RANBP2: variants seen among roughly 807,000 people sequenced by gnomAD.
RANBP2 encodes the protein E3 SUMO-protein ligase RanBP2.
Under a neutral mutation model 303.6 loss-of-function variants are expected in RANBP2, and 57 were observed. The ratio of observed to expected loss-of-function variants is 0.19; its 90% CI spans 0.15 to 0.23. The LOEUF is 0.23. Among genes scored for constraint, RANBP2 ranks in the 10% least tolerant of loss-of-function variants. The pLI is 1.00. For missense variants in RANBP2, 3,138 were observed against 3,780.8 expected, an observed-to-expected ratio of 0.83 and a Z score of 4.46; for synonymous variants, 1,167 against 1,301.5, an observed-to-expected ratio of 0.90 and a Z score of 2.23.
chr2:108,720,710 A>G (rs1050078882), intron 1 of RANBP2, among the ~76,000 whole-genome samples: 1 of 152,246 alleles, frequency 6.6e-6, no homozygotes, highest in Non-Finnish European at 1.5e-5. Context: ...CTTGACACAT[A>G]GCACTAAATG....
At chr2:108,835,052 G>C in the RANBP2 span, among the ~76,000 whole-genome samples, 2 of 152,226 alleles carry the variant, frequency 1.3e-5, no homozygotes, top group Non-Finnish European at 2.9e-5. Context: ...AATGCTGCTA[G>C]AACTGTAGTT....
chr2:108,786,702 C>A, downstream of RANBP2: 1 of 952,070 alleles, frequency 1.1e-6, no homozygotes, highest in Non-Finnish European at 1.6e-6. Context: ...CCGCCCTTTC[C>A]CTGCCGCCGT....
chr2:109,641,943 T>C, the RANBP2 span, among the ~76,000 whole-genome samples: 1 of 152,158 alleles, frequency 6.6e-6, no homozygotes, highest in Admixed American at 6.6e-5. Flanking sequence ...GTAGCTGGGA[T>C]TACAGGCGCC....
chr2:108,851,204 G>C, the RANBP2 span, among the ~76,000 whole-genome samples: 1 of 152,178 alleles, frequency 6.6e-6, no homozygotes, highest in African/African-American at 2.4e-5. Context: ...TGGAACTTCT[G>C]TCCCCTCCCT....
the RANBP2 span, among the ~76,000 whole-genome samples, chr2:109,380,720 C>T: frequency 1.3e-5 from 2 of 152,206 alleles, no homozygotes; most frequent in Admixed American, 6.5e-5. Context: ...GAGCCTTGTG[C>T]CATAGTTCCT....
chr2:108,750,657 G>C (rs1465651259), intron 9 of RANBP2, among the ~76,000 whole-genome samples: 3 of 151,290 alleles, frequency 2.0e-5, no homozygotes, highest in Admixed American at 2.0e-4. Flanking sequence ...GCGCAATCTC[G>C]GCTCACTGCA....
the RANBP2 span, among the ~76,000 whole-genome samples, chr2:108,899,705 G>C: frequency 9.7e-4 from 147 of 152,302 alleles, no homozygotes; most frequent in African/African-American, 3.3e-3. Flanking sequence ...CACCAGTAAG[G>C]CTGGGCACGG....
the RANBP2 span, among the ~76,000 whole-genome samples, chr2:109,009,975 C>A: frequency 3.3e-5 from 5 of 152,038 alleles, no homozygotes; most frequent in Non-Finnish European, 7.3e-5. Flanking sequence ...CCATGATAGT[C>A]CTTGGAAACA....
At chr2:109,539,101 C>T in the RANBP2 span, among the ~76,000 whole-genome samples, 1 of 151,984 alleles carries the variant, frequency 6.6e-6, no homozygotes, top group Admixed American at 6.6e-5. Context: ...AGTTCAAGAC[C>T]AGCCTGACCA....
the RANBP2 span, among the ~76,000 whole-genome samples, chr2:109,288,145 T>G: frequency 6.6e-6 from 1 of 152,244 alleles, no homozygotes; most frequent in African/African-American, 2.4e-5. Context: ...GCTGTGAACC[T>G]TGGTTTCCAA....
the RANBP2 span, among the ~76,000 whole-genome samples, chr2:108,869,455 C>T: frequency 7.2e-5 from 11 of 152,214 alleles, 1 homozygote; most frequent in South Asian, 2.1e-3. Flanking sequence ...AGACTTGCCT[C>T]GTTCAGGGCA....
At chr2:109,124,020 ATTAT>A in the RANBP2 span, among the ~76,000 whole-genome samples, 2 of 134,852 alleles carry the variant, frequency 1.5e-5, no homozygotes, top group Admixed American at 1.5e-4. Flanking sequence ...TTATTTATTT[ATTAT>A]TTTTTTGACA....
chr2:109,223,712 C>T, the RANBP2 span, among the ~76,000 whole-genome samples: 3 of 151,862 alleles, frequency 2.0e-5, no homozygotes, highest in African/African-American at 7.3e-5. Flanking sequence ...CGTGGAGATC[C>T]GGGATGTGTC....
chr2:109,422,908 C>G, the RANBP2 span, among the ~76,000 whole-genome samples: 2 of 152,100 alleles, frequency 1.3e-5, no homozygotes, highest in African/African-American at 4.8e-5. Flanking sequence ...TCACCTACAG[C>G]AATGGAGGAG....
the RANBP2 span, among the ~76,000 whole-genome samples, chr2:109,256,016 A>T: frequency 6.6e-6 from 1 of 152,246 alleles, no homozygotes; most frequent in African/African-American, 2.4e-5. Context: ...ATGTAAATGT[A>T]CATACTCTCT....
At chr2:109,614,620 G>C in the RANBP2 span, 1 of 1,460,956 alleles carries the variant, frequency 6.8e-7, no homozygotes, top group Non-Finnish European at 9.0e-7. Context: ...GCCCTAGGCG[G>C]CGAACCGGAG....
chr2:109,615,494 C>T, the RANBP2 span: 2 of 1,613,694 alleles, frequency 1.2e-6, no homozygotes, highest in Non-Finnish European at 1.7e-6. Flanking sequence ...TGAACATCGA[C>T]GCCAGGACGA....
the RANBP2 span, among the ~76,000 whole-genome samples, chr2:109,010,159 C>T: frequency 1.3e-5 from 2 of 152,102 alleles, no homozygotes; most frequent in Admixed American, 1.3e-4. Flanking sequence ...CAATCCCTTC[C>T]CTCTTCCTTT....
At chr2:109,648,271 G>A in the RANBP2 span, among the ~76,000 whole-genome samples, 2 of 152,334 alleles carry the variant, frequency 1.3e-5, no homozygotes, top group African/African-American at 2.4e-5. Context: ...TTGGCTGGCT[G>A]CAGCCTGGCA....
Sources: allele counts gnomAD v4.1 joint callset (sites outside exome capture counted in the v4.1 genomes callset), GRCh38; gene constraint gnomAD v4.1.1; transcripts MANE v1.5; gene names NCBI Gene and HGNC (gene_info 2026-07-23, HGNC 2026-07-21).